The following HOMER3 variants were observed in gnomAD, a reference collection of about 807,000 sequenced individuals.
HOMER3 encodes the protein homer scaffold protein 3, also known as homer protein homolog 3.
HOMER3 carries 34 observed loss-of-function variants against 45.5 expected under a neutral mutation model. The observed-to-expected ratio is 0.75, with a 90% confidence interval of 0.57 to 1.00. The LOEUF (loss-of-function observed/expected upper bound fraction) is 1.00, where lower values mean the gene tolerates loss of function less well. HOMER3 is among the 50% of genes least tolerant of loss of function. The pLI is 0.00. For synonymous variants in HOMER3, 223 were observed against 208.8 expected, an observed-to-expected ratio of 1.07 and a Z score of -0.58; for missense variants, 480 against 497.5, an observed-to-expected ratio of 0.96 and a Z score of 0.33.
At chr19:18,933,515 G>A (rs1009185418) in intron 5 of HOMER3, among the ~76,000 whole-genome samples, 1 of 152,154 alleles carries the variant, frequency 6.6e-6, no homozygotes, top group African/African-American at 2.4e-5. Context: ...GGTGCCCTGC[G>A]AGAGGCCAGC....
In HOMER3 at chr19:18,941,082, G is replaced by T. The variant is rs1601293328; in HGVS notation, c.-99C>A. The T allele has an allele frequency of 6.6e-6, 1 of 151,370 alleles. No individual in the cohort carries two copies. The highest frequency in any genetic ancestry group is 6.6e-5 in the Admixed American group (1 of 15,168). 9.4% of individuals were successfully genotyped at this position (151,370 alleles called of 1,614,324 possible). A position where few individuals can be genotyped will look rare whatever the true frequency, so the allele number is the denominator to read the frequency against. On this transcript the variant is annotated 5_prime_UTR_variant, in exon 1 of 10. Coordinates refer to ENST00000392351, the MANE Select transcript of HOMER3 (RefSeq NM_004838.4). ...AGGTCGGCGCCCCGCGAGTGTCCAGGCGCGAGTCGGGTGCGGCCCCCGCGG... is the reference window on the plus strand; with the variant it reads ...AGGTCGGCGCCCCGCGAGTGTCCAGTCGCGAGTCGGGTGCGGCCCCCGCGG...
In HOMER3 at chr19:18,932,061, G is replaced by T. The variant is rs1056363517; in HGVS notation, c.605C>A (p.Ala202Asp). The T allele has an allele frequency of 2.6e-6, 4 of 1,560,170 alleles. No homozygotes were observed. The African/African-American group carries it at 4.1e-5, about 16-fold the overall frequency. The change falls in exon 7 of 10, where the codon GCC (alanine) becomes GAC (aspartate). Residue 202 changes from alanine to aspartate, a missense_variant. Physicochemically the swap from Ala to Asp is moderately radical, Grantham distance 126 (BLOSUM62 -2). Coordinates refer to ENST00000392351, the MANE Select transcript of HOMER3 (RefSeq NM_004838.4). Reference protein sequence around the residue: ...LQDSNNKLAGALREANAAAAQ... With the variant: ...LQDSNNKLAGDLREANAAAAQ... Reference sequence around the variant, plus strand: ...TGCGGCGGCGTTGGCCTCTCGCAGGGCGCCTGCCAGCTTGTTGTTGCTGTC... The same window carrying T: ...TGCGGCGGCGTTGGCCTCTCGCAGGTCGCCTGCCAGCTTGTTGTTGCTGTC...
chr19:18,935,134 CTT>C (rs796725352), intron 4 of HOMER3, among the ~76,000 whole-genome samples: 17 of 112,930 alleles, frequency 1.5e-4, no homozygotes, highest in East Asian at 4.9e-4. Context: ...AGCACCCAGC[CTT>C]TTTTTTTTTT....
Position 18,934,419 on chromosome 19 carries a change from G to A in HOMER3, c.304-9C>T. On this transcript the variant is annotated splice_polypyrimidine_tract_variant and intron_variant, in intron 4 of 9. Transcript: ENST00000392351. ...TGGAACTTCTCGGCAAACTAAGGGAGTGGGGAGGAAAAGACAGTAAAACCC... is the reference window on the plus strand; with the variant it reads ...TGGAACTTCTCGGCAAACTAAGGGAATGGGGAGGAAAAGACAGTAAAACCC... The A allele has an allele frequency of 6.4e-7, 1 of 1,557,382 alleles. No individual in the cohort carries two copies. Among genetic ancestry groups the A allele is most frequent in the Middle Eastern group, 1.7e-4 (1 of 5,870 alleles).
At chr19:18,930,126 T>A (rs985711647) in intron 9 of HOMER3, among the ~76,000 whole-genome samples, 7 of 151,758 alleles carry the variant, frequency 4.6e-5, no homozygotes, top group Non-Finnish European at 1.0e-4. Context: ...GGTGCACACC[T>A]GTAGTCCCAG....
Position 18,938,869 on chromosome 19 carries a change from G to T in HOMER3, c.30C>A (p.Phe10Leu). 6.2e-7 allele frequency: 1 copy of T among 1,604,984 alleles called. No individual in the cohort carries two copies. Among genetic ancestry groups the T allele is most frequent in the East Asian group, 2.2e-5 (1 of 44,558 alleles). Residue 10 changes from phenylalanine (F) to leucine (L), a missense_variant, in exon 3 of 10, where the codon TTC (phenylalanine) becomes TTA (leucine). By Grantham distance (22) the Phe-to-Leu change is conservative. Coordinates refer to ENST00000392351, the MANE Select transcript of HOMER3 (RefSeq NM_004838.4). MSTAREQPI[F>L]STRAHVFQID... ...TTTGGAACACGTGCGCCCGTGTGCTGAAGATTGGCTGCTCCCTGCGTGGGG... is the reference window on the plus strand; with the variant it reads ...TTTGGAACACGTGCGCCCGTGTGCTTAAGATTGGCTGCTCCCTGCGTGGGG...
chr19:18,929,565 G>T lies in HOMER3; in HGVS notation c.964C>A (p.Arg322=), dbSNP rs775391920. ...GCCCGCGCCCGCTCCCGCTCTGCCC[G>T]TGCCTCCTCCAGGCTGCGCTCCATC... ...RAMERSLEEA[R]AERERARAEV... Residue 322 remains arginine (R), a synonymous_variant, in exon 10 of 10, where the codon CGG becomes AGG. Transcript: ENST00000392351. 6.5e-7 allele frequency: 1 copy of T among 1,550,364 alleles called. No homozygotes were observed. The highest frequency in any genetic ancestry group is 8.7e-7 in the Non-Finnish European group (1 of 1,148,650).
At chr19:18,936,796 T>C (rs1245738737) in intron 4 of HOMER3, among the ~76,000 whole-genome samples, 1 of 151,298 alleles carries the variant, frequency 6.6e-6, no homozygotes, top group African/African-American at 2.4e-5. Flanking sequence ...GAGACCATCC[T>C]GGCTAACACG....
At chr19:18,929,720 C>G in intron 9 of HOMER3, 86 bp from the exon 10 acceptor site, 3 of 1,150,478 alleles carry the variant, frequency 2.6e-6, no homozygotes, top group Non-Finnish European at 3.6e-6. Flanking sequence ...ACCTTCATGT[C>G]CCTCTTCTGC....
At chr19:18,940,918 T>C in intron 1 of HOMER3, 133 bp downstream of exon 1, 1 of 151,944 alleles carries the variant, frequency 6.6e-6, no homozygotes, top group Non-Finnish European at 1.5e-5. Flanking sequence ...CCTCCAGCCC[T>C]GGAACTTGGG....
At chr19:18,931,873 C>T in intron 7 of HOMER3, 103 bp downstream of exon 7, 1 of 1,432,344 alleles carries the variant, frequency 7.0e-7, no homozygotes. Flanking sequence ...GCTGAGGTCA[C>T]ACAGCTAGTC....
intron 7 of HOMER3, 86 bp downstream of exon 7, chr19:18,931,890 C>A: frequency 6.9e-7 from 1 of 1,442,010 alleles, no homozygotes; most frequent in South Asian, 1.4e-5. Flanking sequence ...AGTCCATGAA[C>A]CCAGGGCAGA....
intron 9 of HOMER3, 128 bp from the exon 10 acceptor site, chr19:18,929,762 G>A: frequency 3.0e-6 from 2 of 657,638 alleles, no homozygotes; most frequent in South Asian, 2.3e-5. Context: ...CAACACACCA[G>A]GAATAAAATG....
chr19:18,931,313 G>A lies in HOMER3; in HGVS notation c.894+12C>T, dbSNP rs2057028770. On this transcript the variant is annotated intron_variant, in intron 9 of 9. Coordinates refer to ENST00000392351, the MANE Select transcript of HOMER3 (RefSeq NM_004838.4). ...ACCCACCGTCACCCCACCTCCTTGT[G>A]CCCACACACACCTGCACCTTCTGCT... is the stretch of plus-strand genomic sequence containing the variant. 2 of 1,611,776 alleles carry A rather than the reference G, an allele frequency of 1.2e-6. No homozygotes were observed. Among genetic ancestry groups the A allele is most frequent in the Non-Finnish European group, 1.7e-6 (2 of 1,178,146 alleles).
chr19:18,932,883 C>CCCCCCCCCCCCCCCCCCCCAA, intron 6 of HOMER3, 41 bp downstream of exon 6: 1 of 827,116 alleles, frequency 1.2e-6, no homozygotes, highest in Non-Finnish European at 1.7e-6. Flanking sequence ...TCCCCCACCC[C>CCCCCCCCCCCCCCCCCCCCAA]TACCCCCGCC....
intron 5 of HOMER3, among the ~76,000 whole-genome samples, chr19:18,933,781 T>G (rs890358464): frequency 2.0e-5 from 3 of 152,048 alleles, no homozygotes; most frequent in Non-Finnish European, 4.4e-5. Context: ...CTCGGCTCAC[T>G]GCAACCTCCA....
At chr19:18,935,843 A>C (rs532016386) in intron 4 of HOMER3, among the ~76,000 whole-genome samples, 3 of 151,836 alleles carry the variant, frequency 2.0e-5, no homozygotes, top group East Asian at 3.9e-4. Context: ...AACATGGTGA[A>C]ACCCCATCTC....
Position 18,931,600 on chromosome 19 carries a change from G to A in HOMER3, c.716C>T (p.Ala239Val). ...CTCACCGGTGGGGGTCACCTCTGAA[G>A]CTGCCTGAGCCTCCAGCTCAGCCAC... ...QRVAELEAQA[A>V]SEVTPTGEKE... Residue 239 changes from alanine to valine, a missense_variant, in exon 8 of 10, where the codon GCT (alanine) becomes GTT (valine). Transcript: ENST00000392351. 2.5e-6 allele frequency: 4 copies of A among 1,612,068 alleles called. No homozygotes were observed. Among genetic ancestry groups the A allele is most frequent in the Non-Finnish European group, 3.4e-6 (4 of 1,179,558 alleles).
chr19:18,938,153 C>G (rs2057114387), intron 4 of HOMER3, among the ~76,000 whole-genome samples, 200 bp downstream of exon 4: 1 of 141,020 alleles, frequency 7.1e-6, no homozygotes, highest in South Asian at 2.1e-4. Flanking sequence ...ATCACTGCAG[C>G]CTATCTCAAA....
Sources: gnomAD v4.1 joint callset for allele counts (sites outside exome capture counted in the v4.1 genomes callset) on GRCh38, gnomAD v4.1.1 for gene constraint, MANE v1.5 for transcripts, NCBI Gene and HGNC (gene_info 2026-07-23, HGNC 2026-07-21) for gene names.